The following SAMD12 variants were observed in gnomAD, a reference collection of about 807,000 sequenced individuals.
SAMD12 encodes sterile alpha motif domain containing 12.
In SAMD12, 9 loss-of-function variants were observed where a neutral mutation model predicts 15.0. That is an observed-to-expected ratio of 0.60 (90% CI 0.36 to 1.05). SAMD12 has a LOEUF of 1.05. SAMD12 is among the 50% of genes least tolerant of loss of function. The pLI is 0.01. For missense variants in SAMD12, 230 were observed against 234.2 expected, an observed-to-expected ratio of 0.98 and a Z score of 0.12; for synonymous variants, 86 against 90.1, an observed-to-expected ratio of 0.96 and a Z score of 0.25.
intron 2 of SAMD12, among the ~76,000 whole-genome samples, chr8:118,556,088 C>A (rs1185045501): frequency 6.6e-6 from 1 of 152,172 alleles, no homozygotes; most frequent in Non-Finnish European, 1.5e-5. Context: ...ATGGACAGAG[C>A]ACTGAACAAA....
At chr8:118,136,698 G>T in the SAMD12 span, among the ~76,000 whole-genome samples, 6 of 152,156 alleles carry the variant, frequency 3.9e-5, no homozygotes, top group African/African-American at 1.4e-4. Context: ...TGATGTCTTT[G>T]CTCCTGGATC....
intron 4 of SAMD12, among the ~76,000 whole-genome samples, chr8:118,311,211 T>C (rs7841856): frequency 0.48 from 72,860 of 152,092 alleles, 20,046 homozygotes; most frequent in African/African-American, 0.77. Context: ...TTTATTGCAG[T>C]ATTGCTTCCT....
chr8:118,255,432 C>T (rs1252877076), intron 4 of SAMD12, among the ~76,000 whole-genome samples: 3 of 151,598 alleles, frequency 2.0e-5, no homozygotes, highest in Non-Finnish European at 1.5e-5. Flanking sequence ...TATACATGTG[C>T]CACGCTGGTG....
the SAMD12 span, among the ~76,000 whole-genome samples, chr8:118,170,242 C>G: frequency 2.0e-5 from 3 of 152,116 alleles, no homozygotes; most frequent in African/African-American, 4.8e-5. Flanking sequence ...GCCATCCATA[C>G]TTAGTTTGGC....
At chr8:118,131,841 C>T in the SAMD12 span, among the ~76,000 whole-genome samples, 23 of 152,238 alleles carry the variant, frequency 1.5e-4, no homozygotes, top group African/African-American at 9.6e-5. Flanking sequence ...GGTAAGCTTC[C>T]GACAAGTTTT....
intron 3 of SAMD12, among the ~76,000 whole-genome samples, chr8:118,417,802 C>G (rs559308916): frequency 1.6e-4 from 24 of 152,302 alleles, no homozygotes; most frequent in African/African-American, 5.5e-4. Context: ...CAGGGCAATT[C>G]ACCATGCCAT....
intron 1 of SAMD12, among the ~76,000 whole-genome samples, chr8:118,583,949 C>T (rs1053107510): frequency 7.9e-5 from 12 of 152,214 alleles, no homozygotes; most frequent in Non-Finnish European, 1.8e-4. Context: ...AGTCCAGGAC[C>T]TGGCACATAA....
chr8:118,570,671 C>T (rs940204432), intron 2 of SAMD12, among the ~76,000 whole-genome samples: 61 of 152,162 alleles, frequency 4.0e-4, no homozygotes, highest in African/African-American at 1.1e-3. Context: ...AATGAACATA[C>T]GTGTATCTTT....
chr8:118,256,201 T>C (rs1372808411), intron 4 of SAMD12, among the ~76,000 whole-genome samples: 1 of 152,184 alleles, frequency 6.6e-6, no homozygotes, highest in Non-Finnish European at 1.5e-5. Flanking sequence ...CAATATTTAT[T>C]ATTTCACAAA....
intron 4 of SAMD12, among the ~76,000 whole-genome samples, chr8:118,371,062 T>G (rs1389486567): frequency 6.6e-6 from 1 of 152,132 alleles, no homozygotes; most frequent in Non-Finnish European, 1.5e-5. Context: ...TTTTCATGAG[T>G]TTTATTATAC....
At chr8:118,424,542 A>G (rs1331480290) in intron 3 of SAMD12, among the ~76,000 whole-genome samples, 1 of 152,188 alleles carries the variant, frequency 6.6e-6, no homozygotes, top group Non-Finnish European at 1.5e-5. Context: ...GAAGCTTGCC[A>G]AGAGTATTCT....
chr8:118,313,794 GA>G (rs1422366314), intron 4 of SAMD12, among the ~76,000 whole-genome samples: 2 of 151,770 alleles, frequency 1.3e-5, no homozygotes, highest in South Asian at 4.2e-4. Context: ...TTAATGGAAA[GA>G]AAAAACGCTG....
intron 4 of SAMD12, among the ~76,000 whole-genome samples, chr8:118,255,216 A>C (rs1812908065): frequency 6.6e-6 from 1 of 152,044 alleles, no homozygotes; most frequent in African/African-American, 2.4e-5. Context: ...TTATTTCATA[A>C]GTTATGTTTT....
chr8:118,210,984 C>T (rs925302768), intron 4 of SAMD12, among the ~76,000 whole-genome samples: 2 of 152,160 alleles, frequency 1.3e-5, no homozygotes, highest in Non-Finnish European at 2.9e-5. Context: ...ACAAATAACC[C>T]CTGCCCTTGC....
intron 2 of SAMD12, among the ~76,000 whole-genome samples, chr8:118,483,438 A>G (rs1002870683): frequency 6.6e-6 from 1 of 152,226 alleles, no homozygotes; most frequent in Non-Finnish European, 1.5e-5. Context: ...TAATGTGGTC[A>G]TTTACAATTT....
At chr8:118,184,830 C>T (rs1819216314), downstream of SAMD12, among the ~76,000 whole-genome samples, 1 of 152,100 alleles carries the variant, frequency 6.6e-6, no homozygotes, top group South Asian at 2.1e-4. Flanking sequence ...AATTCACCCT[C>T]TCTCTAATTC....
chr8:118,355,619 C>A (rs1818192134), intron 4 of SAMD12, among the ~76,000 whole-genome samples: 1 of 152,140 alleles, frequency 6.6e-6, no homozygotes, highest in African/African-American at 2.4e-5. Flanking sequence ...GAGGATTCTT[C>A]CAGTCCCAGA....
intron 2 of SAMD12, among the ~76,000 whole-genome samples, chr8:118,548,458 G>T (rs1253562188): frequency 1.3e-5 from 2 of 151,152 alleles, no homozygotes; most frequent in African/African-American, 2.4e-5. Flanking sequence ...TGTTAACTTG[G>T]TTAAGTTATG....
chr8:118,158,945 C>A, the SAMD12 span, among the ~76,000 whole-genome samples: 10 of 152,108 alleles, frequency 6.6e-5, no homozygotes, highest in African/African-American at 2.4e-4. Context: ...ACCTCTTTGC[C>A]TTGCTCACCC....
Sources: allele counts gnomAD v4.1 joint callset (sites outside exome capture counted in the v4.1 genomes callset), GRCh38; gene constraint gnomAD v4.1.1; transcripts MANE v1.5; gene names NCBI Gene and HGNC (gene_info 2026-07-23, HGNC 2026-07-21).